STEAP4: variants seen among roughly 807,000 people sequenced by gnomAD.
STEAP4 encodes STEAP4 metalloreductase.
Under a neutral mutation model 43.6 loss-of-function variants are expected in STEAP4, and 36 were observed. That is an observed-to-expected ratio of 0.83 (90% CI 0.63 to 1.09). The LOEUF (loss-of-function observed/expected upper bound fraction) is 1.09, where lower values mean the gene tolerates loss of function less well. Ranked by LOEUF, STEAP4 falls within the 50% of genes least tolerant of loss-of-function variation. The pLI, the probability that STEAP4 is intolerant of heterozygous loss-of-function variation, is 0.00. For synonymous variants in STEAP4, 191 were observed against 196.7 expected (o/e 0.97, Z 0.24); for missense variants, 495 against 546.5 (o/e 0.91, Z 0.94).
At chr7:88,284,749 G>T (rs1852697401) in intron 1 of STEAP4, among the ~76,000 whole-genome samples, 1 of 151,968 alleles carries the variant, frequency 6.6e-6, no homozygotes, top group Admixed American at 6.6e-5. Context: ...TAACTTAAAA[G>T]ATTAAAATTT....
chr7:88,285,317 A>C (rs952538792), intron 1 of STEAP4, among the ~76,000 whole-genome samples: 1 of 152,210 alleles, frequency 6.6e-6, no homozygotes. Flanking sequence ...AAAATATTTT[A>C]AATGCTCTTA....
intron 1 of STEAP4, chr7:88,292,544 C>T (rs1852852258): frequency 6.6e-6 from 1 of 152,086 alleles, no homozygotes; most frequent in East Asian, 1.9e-4. Flanking sequence ...ACCCAGTTTC[C>T]TCCAGTTTTA....
rs1317197073 is a variant in STEAP4 at position 88,284,054 on chromosome 7, C to T, written c.216G>A (p.Lys72=). ...TTGCTATGATTATGATGCCAGACTT[C>T]TTGGCTGCTTCTGAATAGCTCAAGA... The part of the protein sequence containing the change: ...AEVLSYSEAA[K]KSGIIIIAIH... The change falls in exon 2 of 5, where the codon AAG becomes AAA. Residue 72 remains lysine (K), a synonymous_variant. Coordinates refer to ENST00000380079, the MANE Select transcript of STEAP4 (RefSeq NM_024636.4). 6.2e-7 allele frequency: 1 copy of T among 1,614,082 alleles called. No individual in the cohort carries two copies. The highest frequency in any genetic ancestry group is 8.5e-7 in the Non-Finnish European group (1 of 1,180,014).
chr7:88,296,823 A>C (rs1187904831), intron 1 of STEAP4, among the ~76,000 whole-genome samples: 1 of 152,142 alleles, frequency 6.6e-6, no homozygotes, highest in Non-Finnish European at 1.5e-5. Flanking sequence ...ATTCAACTAC[A>C]TATTCTTTTA....
chr7:88,282,070 T>A (rs1031228409), intron 3 of STEAP4: 5 of 152,292 alleles, frequency 3.3e-5, no homozygotes, highest in African/African-American at 9.6e-5. Context: ...AATCTGTCAG[T>A]TTGCCAATAT....
Position 88,284,186 on chromosome 7 carries a change from A to T in STEAP4, c.84T>A (p.Gly28=). The stretch of plus-strand genomic sequence containing the variant: ...TCAATCCCAGTGATCTTCCAAAATC[A>T]CCAGTTCCAAAAATACATACAGTCT... ...KQETVCIFGT[G]DFGRSLGLKM... The change falls in exon 2 of 5, where the codon GGT becomes GGA. Residue 28 remains glycine, a synonymous_variant. Transcript: ENST00000380079. 1.2e-6 allele frequency: 2 copies of T among 1,614,068 alleles called. No homozygotes were observed. The highest frequency in any genetic ancestry group is 1.1e-5 in the South Asian group (1 of 91,086).
intron 1 of STEAP4, among the ~76,000 whole-genome samples, chr7:88,290,011 TAAA>T (rs1405532028): frequency 6.6e-6 from 1 of 152,156 alleles, no homozygotes; most frequent in Non-Finnish European, 1.5e-5. Flanking sequence ...TCTCCTCACT[TAAA>T]AAAATTATTT....
At chr7:88,291,331 C>CA (rs919694931) in intron 1 of STEAP4, among the ~76,000 whole-genome samples, 1 of 151,344 alleles carries the variant, frequency 6.6e-6, no homozygotes, top group African/African-American at 2.4e-5. Context: ...TAAAAATACA[C>CA]AAAAAATTAG....
At chr7:88,299,933 C>G (rs527396280) in intron 1 of STEAP4, among the ~76,000 whole-genome samples, 1 of 152,188 alleles carries the variant, frequency 6.6e-6, no homozygotes, top group South Asian at 2.1e-4. Context: ...TGAATATAGC[C>G]TACTTCATCT....
rs2115928492 is a variant in STEAP4 at position 88,274,834 on chromosome 7, T to A, written c.*4564A>T. 1 of 152,356 alleles carries A rather than the reference T, an allele frequency of 6.6e-6. No homozygotes were observed. The highest frequency in any genetic ancestry group is 6.5e-5 in the Admixed American group (1 of 15,292). The allele number at this position is 152,356 out of a possible 1,614,324, so 9.4% of individuals were successfully genotyped here. A position where few individuals can be genotyped will look rare whatever the true frequency, so the allele number is the denominator to read the frequency against. Reference sequence around the variant, plus strand: ...CTTCTGGATGTGGCCATGGAATTTGTAAACTGTCATGGTGCTAGTGGGAGT... The same window carrying A: ...CTTCTGGATGTGGCCATGGAATTTGAAAACTGTCATGGTGCTAGTGGGAGT... On this transcript the variant is annotated 3_prime_UTR_variant, in exon 5 of 5. Coordinates refer to ENST00000380079, the MANE Select transcript of STEAP4 (RefSeq NM_024636.4).
In STEAP4 at chr7:88,279,183, C is replaced by A. The variant is rs965728147; in HGVS notation, c.*215G>T. 7.2e-6 allele frequency: 4 copies of A among 554,624 alleles called. No homozygotes were observed. The African/African-American group carries it at 7.6e-5, about 11-fold the overall frequency. The allele number at this position is 554,624 out of a possible 1,614,324, so 34.4% of individuals were successfully genotyped here. A position where few individuals can be genotyped will look rare whatever the true frequency, so the allele number is the denominator to read the frequency against. On this transcript the variant is annotated 3_prime_UTR_variant, in exon 5 of 5. Coordinates refer to ENST00000380079, the MANE Select transcript of STEAP4 (RefSeq NM_024636.4). ...TGGGAAAATAAGAGTCAGGGACCTG[C>A]ACTGATTCTTCACTAACCTGAGATA...
Position 88,281,017 on chromosome 7 carries a change from CA to C in STEAP4, c.1046del (p.Val349GlyfsTer41). ...GAAAAAACCCAAGTATTCCCAAAGC[CA>C]CATATGAATCACTGAGCCAGGCTGA... Reference protein sequence around the residue: ...TSSAWLSDSYVALGILGFFLF... With the variant: ...TSSAWLSDSYXALGILGFFLF... On this transcript the variant is annotated frameshift_variant, in exon 4 of 5. Transcript: ENST00000380079. LOFTEE classifies it high-confidence loss of function. 6.2e-7 allele frequency: 1 copy of C among 1,613,260 alleles called. No individual in the cohort carries two copies. The highest frequency in any genetic ancestry group is 8.5e-7 in the Non-Finnish European group (1 of 1,179,686).
At chr7:88,280,311 G>A (rs946887760) in intron 4 of STEAP4, among the ~76,000 whole-genome samples, 8 of 151,978 alleles carry the variant, frequency 5.3e-5, no homozygotes, top group African/African-American at 1.5e-4. Context: ...TAAATTTCTG[G>A]GCCACAGGTT....
At chr7:88,299,453 A>G (rs1474432704) in intron 1 of STEAP4, among the ~76,000 whole-genome samples, 1 of 152,168 alleles carries the variant, frequency 6.6e-6, no homozygotes, top group Non-Finnish European at 1.5e-5. Context: ...AACTTCTTAC[A>G]AATCTGTGGG....
chr7:88,298,490 C>T (rs898148364), intron 1 of STEAP4: 9 of 151,760 alleles, frequency 5.9e-5, no homozygotes, highest in Admixed American at 2.0e-4. Flanking sequence ...CACACACACA[C>T]ACACACACAC....
At chr7:88,285,399 G>A (rs563204544) in intron 1 of STEAP4, among the ~76,000 whole-genome samples, 5 of 152,218 alleles carry the variant, frequency 3.3e-5, no homozygotes, top group South Asian at 2.1e-4. Context: ...CTCACACAAC[G>A]TCAGTTTTCC....
At chr7:88,280,367 G>A (rs1346532786) in intron 4 of STEAP4, among the ~76,000 whole-genome samples, 1 of 152,194 alleles carries the variant, frequency 6.6e-6, no homozygotes, top group East Asian at 1.9e-4. Context: ...GGGGCTTTGT[G>A]TATCTAACAA....
intron 4 of STEAP4, among the ~76,000 whole-genome samples, chr7:88,280,640 T>C (rs536473024): frequency 6.6e-6 from 1 of 152,330 alleles, no homozygotes; most frequent in South Asian, 2.1e-4. Context: ...GTTAATTTTT[T>C]AGATGGTGAA....
rs1852479788 is a variant in STEAP4 at position 88,274,301 on chromosome 7, C to A, written c.*5097G>T. The A allele has an allele frequency of 6.6e-6, 1 of 152,244 alleles. No individual in the cohort carries two copies. The highest frequency in any genetic ancestry group is 2.1e-4 in the South Asian group (1 of 4,834). 9.4% of individuals were successfully genotyped at this position (152,244 alleles called of 1,614,324 possible). A position where few individuals can be genotyped will look rare whatever the true frequency, so the allele number is the denominator to read the frequency against. ...ACGCATGGCACTCTGCTGTAAGTAT[C>A]ATTAAAAGCCTTCCAAAATTCCCTT... On this transcript the variant is annotated 3_prime_UTR_variant, in exon 5 of 5. Coordinates refer to ENST00000380079, the MANE Select transcript of STEAP4 (RefSeq NM_024636.4).
Sources: gnomAD v4.1 joint callset for allele counts (sites outside exome capture counted in the v4.1 genomes callset) on GRCh38, gnomAD v4.1.1 for gene constraint, MANE v1.5 for transcripts, NCBI Gene and HGNC (gene_info 2026-07-23, HGNC 2026-07-21) for gene names.